The following ADGRL1 variants were observed in gnomAD, a reference collection of about 807,000 sequenced individuals.
The protein encoded by ADGRL1 is CIRL-1.
A neutral mutation model predicts 148.9 loss-of-function variants in ADGRL1; 31 were observed. The ratio of observed to expected loss-of-function variants is 0.21; its 90% CI spans 0.16 to 0.28. The LOEUF is 0.28. Ranked by LOEUF, ADGRL1 falls within the 10% of genes least tolerant of loss-of-function variation. ADGRL1 has a pLI of 1.00. For missense variants in ADGRL1, 1,521 were observed against 2,058.8 expected (o/e 0.74, Z 5.05); for synonymous variants, 937 against 900.3 (o/e 1.04, Z -0.73).
intron 1 of ADGRL1, among the ~76,000 whole-genome samples, chr19:14,204,252 A>C (rs1319811437): frequency 6.6e-6 from 1 of 152,082 alleles, no homozygotes; most frequent in African/African-American, 2.4e-5. Context: ...TAAGTAATAA[A>C]TTTGGCATTA....
intron 1 of ADGRL1, among the ~76,000 whole-genome samples, chr19:14,197,212 C>T (rs575550847): frequency 6.6e-6 from 1 of 152,124 alleles, no homozygotes; most frequent in African/African-American, 2.4e-5. Flanking sequence ...GTCAAGGCTG[C>T]AGTGAGCTAT....
At chr19:14,193,362 G>A (rs1972069844) in intron 1 of ADGRL1, among the ~76,000 whole-genome samples, 2 of 151,604 alleles carry the variant, frequency 1.3e-5, no homozygotes, top group Non-Finnish European at 2.9e-5. Flanking sequence ...CAAGGTGGGA[G>A]GATCACTTGA....
In ADGRL1 at chr19:14,198,740, G is replaced by A. The variant is rs146366770; in HGVS notation, c.-96+7245C>T. Among the ~76,000 whole-genome samples, 10 of 152,154 alleles carry A rather than the reference G, an allele frequency of 6.6e-5. No homozygotes were observed. In the East Asian group the frequency reaches 1.9e-3, roughly 29 times the overall value. ...GCCACCATCTTCTGTCTGACCTCAG[G>A]GCAGCCCCTCTCTCTCACAGATGCT... On this transcript the variant is annotated intron_variant, in intron 1 of 22. Coordinates refer to ENST00000361434, the MANE Select transcript of ADGRL1 (RefSeq NM_014921.5).
intron 1 of ADGRL1, 130 bp from the exon 2 acceptor site, chr19:14,183,827 G>A (rs1347270816): frequency 1.8e-5 from 10 of 547,602 alleles, no homozygotes; most frequent in Non-Finnish European, 2.9e-5. Context: ...TATCTGTAGG[G>A]CCCCCTCCGG....
At position 14,177,611 on chromosome 19, in the gene ADGRL1, G is replaced by A; in HGVS notation, c.204C>T (p.Asp68=). The change falls in exon 3 of 23, where the codon GAC becomes GAT. Residue 68 remains aspartate (D), a synonymous_variant. Coordinates refer to ENST00000361434, the MANE Select transcript of ADGRL1 (RefSeq NM_014921.5). ...GGAAAGGGTCAGCATCGCAAATCTT[G>A]TCGTCCGTGCGCCCGTAGTTGGCAT... ...VENANYGRTD[D]KICDADPFQM... 1 of 1,614,240 alleles carries A rather than the reference G, an allele frequency of 6.2e-7. No homozygotes were observed. Among genetic ancestry groups the A allele is most frequent in the Middle Eastern group, 1.6e-4 (1 of 6,062 alleles).
Position 14,155,872 on chromosome 19 carries a change from C to T in ADGRL1, c.3125+238G>A. The stretch of plus-strand genomic sequence containing the variant: ...AACAGACTCACCTTTTGAATTTAGC[C>T]TCAGCCTACATACCGATGCCCCTAA... On this transcript the variant is annotated intron_variant, in intron 17 of 22. Coordinates refer to ENST00000361434, the MANE Select transcript of ADGRL1 (RefSeq NM_014921.5). The surrounding 1 kb of genome is among the most constrained non-coding windows in gnomAD (Gnocchi z 5.0). 2 of 582,720 alleles carry T rather than the reference C, an allele frequency of 3.4e-6. No homozygotes were observed. Among genetic ancestry groups the T allele is most frequent in the Non-Finnish European group, 6.1e-6 (2 of 326,898 alleles). The allele number at this position is 582,720 out of a possible 1,614,324, so 36.1% of individuals were successfully genotyped here.
At chr19:14,167,928 A>C (rs1327835968) in intron 4 of ADGRL1, among the ~76,000 whole-genome samples, 1 of 151,858 alleles carries the variant, frequency 6.6e-6, no homozygotes, top group Non-Finnish European at 1.5e-5. Flanking sequence ...TGCCCTGCGG[A>C]CGGGCGGCAC....
rs775073536 is a variant in ADGRL1 at position 14,161,557 on chromosome 19, G to A, written c.1265C>T (p.Ser422Leu). 9.6e-6 allele frequency: 14 copies of A among 1,457,608 alleles called. No homozygotes were observed. The highest frequency in any genetic ancestry group is 1.3e-5 in the Non-Finnish European group (14 of 1,106,994). The allele number at this position is 1,457,608 out of a possible 1,614,324, so 90.3% of individuals were successfully genotyped here. Residue 422 changes from serine (S) to leucine (L), a missense_variant, in exon 6 of 23, where the codon TCG (serine) becomes TTG (leucine). Coordinates refer to ENST00000361434, the MANE Select transcript of ADGRL1 (RefSeq NM_014921.5). The surrounding 1 kb of genome is among the most constrained non-coding windows in gnomAD (Gnocchi z 4.4). ...GCGGAGCGGGGTGGTGGCTGCGGGC[G>A]AGGCTGTGCTGGTGAGGGGCGTGGG... ...ARPTPLTSTA[S>L]PAATTPLRRA... is the part of the protein sequence containing the mutation.
chr19:14,194,137 G>A (rs1972114644), intron 1 of ADGRL1, among the ~76,000 whole-genome samples: 2 of 152,130 alleles, frequency 1.3e-5, no homozygotes, highest in Non-Finnish European at 2.9e-5. Flanking sequence ...CCAGCTGCTC[G>A]GGAGGCTGAG....
chr19:14,157,510 G>A lies in ADGRL1; in HGVS notation c.2536-50C>T. 1 of 1,579,276 alleles carries A rather than the reference G, an allele frequency of 6.3e-7. No homozygotes were observed. The highest frequency in any genetic ancestry group is 8.7e-7 in the Non-Finnish European group (1 of 1,151,022). On this transcript the variant is annotated intron_variant, in intron 13 of 22. Coordinates refer to ENST00000361434, the MANE Select transcript of ADGRL1 (RefSeq NM_014921.5). The surrounding 1 kb of genome is among the most constrained non-coding windows in gnomAD (Gnocchi z 7.5). ...CTCAGGGCCTTTGGTTTTGCACGCT[G>A]GGCTCAGCCAGGTGCCAGCCACAGA... is the stretch of plus-strand genomic sequence containing the variant.
At chr19:14,169,326 G>A (rs1489095573) in intron 4 of ADGRL1, 1 of 152,216 alleles carries the variant, frequency 6.6e-6, no homozygotes, top group East Asian at 1.9e-4. Flanking sequence ...TAAATCATTT[G>A]CTCAAGGTTT....
chr19:14,163,502 GGA>G, intron 4 of ADGRL1, 96 bp from the exon 5 acceptor site: 1 of 906,384 alleles, frequency 1.1e-6, no homozygotes, highest in Non-Finnish European at 1.6e-6. Flanking sequence ...GAGAGAGGGG[GGA>G]GAGAGGCAAG....
At chr19:14,173,700 A>G (rs1319596456) in intron 3 of ADGRL1, among the ~76,000 whole-genome samples, 1 of 152,198 alleles carries the variant, frequency 6.6e-6, no homozygotes, top group Non-Finnish European at 1.5e-5. Flanking sequence ...TAATCCCAGC[A>G]CTTTGGGAGG....
intron 4 of ADGRL1, among the ~76,000 whole-genome samples, chr19:14,166,600 G>C (rs1258475946): frequency 2.7e-5 from 4 of 150,930 alleles, no homozygotes; most frequent in African/African-American, 7.3e-5. Flanking sequence ...GAGAGAGAGA[G>C]ACAGCTCACC....
In ADGRL1 at chr19:14,160,799, G is replaced by A. The variant is rs1378237857; in HGVS notation, c.1511-103C>T. 15 of 731,504 alleles carry A rather than the reference G, an allele frequency of 2.1e-5. No individual in the cohort carries two copies. The highest frequency in any genetic ancestry group is 3.0e-5 in the Non-Finnish European group (12 of 404,076). The allele number at this position is 731,504 out of a possible 1,614,324, so 45.3% of individuals were successfully genotyped here. On this transcript the variant is annotated intron_variant, in intron 6 of 22. Coordinates refer to ENST00000361434, the MANE Select transcript of ADGRL1 (RefSeq NM_014921.5). This position sits in a 1 kb window ranked among gnomAD's most constrained non-coding sequence, Gnocchi z 5.9. ...AGATGACAGAGAGTGGGGGACGAGC[G>A]GGCGAAGAGGGAGGTGAGGGAAACA...
rs1969439867 is a variant in ADGRL1 at position 14,161,967 on chromosome 19, A to C, written c.1196-341T>G. On this transcript the variant is annotated intron_variant, in intron 5 of 22. Coordinates refer to ENST00000361434, the MANE Select transcript of ADGRL1 (RefSeq NM_014921.5). The surrounding 1 kb of genome is among the most constrained non-coding windows in gnomAD (Gnocchi z 4.4). The stretch of plus-strand genomic sequence containing the variant: ...CGAGGGCAGGAGCCCTCCCCAATCC[A>C]GGTCAGCCCCGCCACCAGGTGGGGG... 6.6e-6 allele frequency among the ~76,000 whole-genome samples: 1 copy of C among 152,148 alleles called. No individual in the cohort carries two copies. The highest frequency in any genetic ancestry group is 6.5e-5 in the Admixed American group (1 of 15,282).
intron 2 of ADGRL1, among the ~76,000 whole-genome samples, chr19:14,183,193 CAGAGAGAGAGAGAG>C (rs3837937): frequency 6.9e-6 from 1 of 145,306 alleles, no homozygotes; most frequent in Non-Finnish European, 1.5e-5. Flanking sequence ...GATGTAATCA[CAGAGAGAGAGAGAG>C]AGAGAGAGAG....
chr19:14,200,539 G>A (rs1370135637), intron 1 of ADGRL1, among the ~76,000 whole-genome samples: 2 of 152,354 alleles, frequency 1.3e-5, no homozygotes, highest in East Asian at 1.9e-4. Context: ...GAACCCGTCT[G>A]CGGCCCGCAA....
Position 14,155,649 on chromosome 19 carries a change from G to A in ADGRL1, c.3126-122C>T, listed in dbSNP as rs750103656. On this transcript the variant is annotated intron_variant, in intron 17 of 22. Coordinates refer to ENST00000361434, the MANE Select transcript of ADGRL1 (RefSeq NM_014921.5). This position sits in a 1 kb window ranked among gnomAD's most constrained non-coding sequence, Gnocchi z 5.0. ...GCCTGGGCACTGTCTGCAAAGCCCT[G>A]AGCGGGCCGAGTGGGCCTTGGGGGC... 1.0e-6 allele frequency: 1 copy of A among 996,030 alleles called. No individual in the cohort carries two copies. Among genetic ancestry groups the A allele is most frequent in the Non-Finnish European group, 1.5e-6 (1 of 685,736 alleles). 61.7% of individuals were successfully genotyped at this position (996,030 alleles called of 1,614,324 possible).
Sources: gnomAD v4.1 joint callset for allele counts (sites outside exome capture counted in the v4.1 genomes callset) on GRCh38, gnomAD v4.1.1 for gene constraint, Gnocchi (gnomAD v3.1) non-coding constraint, MANE v1.5 for transcripts, NCBI Gene and HGNC (gene_info 2026-07-23, HGNC 2026-07-21) for gene names.